Variants in METTL9 observed in about 807,000 individuals in gnomAD.
METTL9 encodes methyltransferase 9, His-X-His N1(pi)-histidine.
Under a neutral mutation model 36.0 loss-of-function variants are expected in METTL9, and 10 were observed. That is an observed-to-expected ratio of 0.28 (90% CI 0.17 to 0.47). METTL9 has a LOEUF of 0.47. Among genes scored for constraint, METTL9 ranks in the 20% least tolerant of loss-of-function variants. METTL9 has a pLI of 0.99. For missense variants in METTL9, 246 were observed against 383.5 expected (o/e 0.64, Z 3.00); for synonymous variants, 175 against 149.7 (o/e 1.17, Z -1.23).
In METTL9 at chr16:21,655,546, A is replaced by G; in HGVS notation, c.*114A>G. 1 of 864,160 alleles carries G rather than the reference A, an allele frequency of 1.2e-6. No individual in the cohort carries two copies. The highest frequency in any genetic ancestry group is 1.8e-6 in the Non-Finnish European group (1 of 560,120). The allele number at this position is 864,160 out of a possible 1,614,324, so 53.5% of individuals were successfully genotyped here. On this transcript the variant is annotated 3_prime_UTR_variant, in exon 5 of 5. Coordinates refer to ENST00000358154, the MANE Select transcript of METTL9 (RefSeq NM_016025.5). ...ACCCTTGGGGACCGCCATTCTAAAT[A>G]TCATGTAGGAATTTAAAAAGCCAAA...
intron 4 of METTL9, chr16:21,641,430 G>A (rs540497585): frequency 5.5e-6 from 3 of 550,426 alleles, no homozygotes; most frequent in Non-Finnish European, 9.4e-6. Context: ...TGTCTTTTCA[G>A]TTTACCTTTA....
chr16:21,652,469 C>A (rs1966601743), intron 4 of METTL9: 1 of 1,254,994 alleles, frequency 8.0e-7, no homozygotes. Context: ...AATATAAATG[C>A]ATTAGGTGAA....
intron 4 of METTL9, chr16:21,653,410 G>C (rs1444691550): frequency 1.3e-5 from 2 of 152,272 alleles, no homozygotes; most frequent in African/African-American, 4.8e-5. Flanking sequence ...CAAATATGTG[G>C]GCCCTCTGTC....
chr16:21,620,746 A>G (rs532993318), intron 3 of METTL9, among the ~76,000 whole-genome samples: 3 of 152,202 alleles, frequency 2.0e-5, no homozygotes, highest in Admixed American at 6.5e-5. Flanking sequence ...ATTAGTATGA[A>G]GTGAAAACAT....
chr16:21,634,614 T>C (rs1346935445), intron 4 of METTL9, among the ~76,000 whole-genome samples: 1 of 152,180 alleles, frequency 6.6e-6, no homozygotes, highest in Non-Finnish European at 1.5e-5. Flanking sequence ...GTCCCTATTA[T>C]AGAACACCGA....
intron 4 of METTL9, chr16:21,652,355 C>T (rs1176004144): frequency 1.0e-5 from 5 of 486,908 alleles, no homozygotes; most frequent in African/African-American, 2.0e-5. Flanking sequence ...AACTTTTTCT[C>T]AGCTATTTTT....
chr16:21,655,852 T>G lies in METTL9; in HGVS notation c.*420T>G, dbSNP rs1966695540. On this transcript the variant is annotated 3_prime_UTR_variant, in exon 5 of 5. Coordinates refer to ENST00000358154, the MANE Select transcript of METTL9 (RefSeq NM_016025.5). ...AATACTGGTTTTAAGGTATAGCCACTGATATTCTTTCATGTTTAGAAATTC... is the reference window on the plus strand; with the variant it reads ...AATACTGGTTTTAAGGTATAGCCACGGATATTCTTTCATGTTTAGAAATTC... 6.3e-6 allele frequency: 1 copy of G among 157,828 alleles called. No individual in the cohort carries two copies. Among genetic ancestry groups the G allele is most frequent in the African/African-American group, 2.4e-5 (1 of 41,598 alleles). 9.8% of individuals were successfully genotyped at this position (157,828 alleles called of 1,614,324 possible).
At chr16:21,600,037 C>G (rs563966235) in intron 1 of METTL9, 139 bp downstream of exon 1, 1 of 766,988 alleles carries the variant, frequency 1.3e-6, no homozygotes, top group Non-Finnish European at 1.7e-6. Flanking sequence ...GAAAGTTTTC[C>G]CCGCGCCTTC....
chr16:21,611,151 G>C (rs1336477545), intron 1 of METTL9, among the ~76,000 whole-genome samples: 3 of 152,200 alleles, frequency 2.0e-5, no homozygotes, highest in African/African-American at 7.2e-5. Context: ...TTTGATAACT[G>C]TGATGAAATG....
At chr16:21,643,609 G>A in intron 4 of METTL9, 1 of 1,589,278 alleles carries the variant, frequency 6.3e-7, no homozygotes, top group Non-Finnish European at 8.6e-7. Context: ...CTGCCAAGAA[G>A]AGAAGGAAAG....
chr16:21,599,425 C>T, upstream of METTL9: 1 of 1,115,902 alleles, frequency 9.0e-7, no homozygotes, highest in African/African-American at 1.6e-5. This position sits in a 1 kb window ranked among gnomAD's most constrained non-coding sequence, Gnocchi z 4.4. Context: ...TCCCGCCTCC[C>T]AGCGGCCCGC....
chr16:21,624,366 C>T (rs1421098687), intron 3 of METTL9, among the ~76,000 whole-genome samples: 1 of 152,102 alleles, frequency 6.6e-6, no homozygotes, highest in Non-Finnish European at 1.5e-5. Context: ...ACTTATTAAA[C>T]ATGATTAGTT....
At chr16:21,604,124 C>T (rs1230605228) in intron 1 of METTL9, among the ~76,000 whole-genome samples, 1 of 152,098 alleles carries the variant, frequency 6.6e-6, no homozygotes, top group Non-Finnish European at 1.5e-5. Flanking sequence ...CCAGCTAAGC[C>T]GGACAGACAC....
At chr16:21,649,328 A>G (rs1346941585) in intron 4 of METTL9, among the ~76,000 whole-genome samples, 1 of 152,150 alleles carries the variant, frequency 6.6e-6, no homozygotes, top group Admixed American at 6.5e-5. Flanking sequence ...TATTTGTGCA[A>G]CATGAGATGA....
chr16:21,650,906 A>G (rs898962222), intron 4 of METTL9, among the ~76,000 whole-genome samples: 9 of 152,202 alleles, frequency 5.9e-5, no homozygotes, highest in Non-Finnish European at 1.5e-5. Flanking sequence ...GAGGGAATAG[A>G]AAGATTATTC....
At chr16:21,606,338 A>AAATAAT (rs141626965) in intron 1 of METTL9, among the ~76,000 whole-genome samples, 12 of 151,618 alleles carry the variant, frequency 7.9e-5, no homozygotes, top group East Asian at 3.9e-4. Context: ...CTCCGTCTCA[A>AAATAAT]AATAATAATA....
intron 4 of METTL9, among the ~76,000 whole-genome samples, chr16:21,629,564 G>T (rs560787784): frequency 6.6e-6 from 1 of 152,206 alleles, no homozygotes; most frequent in African/African-American, 2.4e-5. Context: ...GTCTGGAGGT[G>T]TTAGTTCCTT....
intron 4 of METTL9, 180 bp downstream of exon 4, chr16:21,625,295 T>G (rs886587404): frequency 1.5e-6 from 1 of 655,300 alleles, no homozygotes; most frequent in African/African-American, 1.8e-5. Context: ...AGGTGGACTT[T>G]ATAGAGGTCT....
intron 4 of METTL9, among the ~76,000 whole-genome samples, chr16:21,634,148 G>A (rs568979968): frequency 3.2e-4 from 49 of 152,270 alleles, no homozygotes; most frequent in African/African-American, 1.2e-3. Flanking sequence ...AGGATTCCTC[G>A]GATGGTAACG....
Sources: gnomAD v4.1 joint callset for allele counts (sites outside exome capture counted in the v4.1 genomes callset) on GRCh38, gnomAD v4.1.1 for gene constraint, Gnocchi (gnomAD v3.1) non-coding constraint, MANE v1.5 for transcripts, NCBI Gene and HGNC (gene_info 2026-07-23, HGNC 2026-07-21) for gene names.